CCDC169: variants seen among roughly 807,000 people sequenced by gnomAD.
CCDC169 encodes coiled-coil domain-containing protein 169.
A neutral mutation model predicts 36.0 loss-of-function variants in CCDC169; 30 were observed. The observed-to-expected ratio is 0.83, with a 90% CI of 0.62 to 1.13. The LOEUF (loss-of-function observed/expected upper bound fraction) is 1.13, where lower values mean the gene tolerates loss of function less well. CCDC169 is among the 50% of genes most tolerant of loss of function. The pLI is 0.00. For missense variants in CCDC169, 245 were observed against 245.9 expected (o/e 1.00, Z 0.03); for synonymous variants, 85 against 81.5 (o/e 1.04, Z -0.23).
At chr13:36,290,862 C>T (rs1197930222) in intron 2 of CCDC169, among the ~76,000 whole-genome samples, 1 of 151,858 alleles carries the variant, frequency 6.6e-6, no homozygotes, top group Admixed American at 6.6e-5. Flanking sequence ...CAATAGGGGT[C>T]CCACTGAGAG....
At chr13:36,260,309 G>T (rs1316461672) in intron 4 of CCDC169, among the ~76,000 whole-genome samples, 1 of 152,104 alleles carries the variant, frequency 6.6e-6, no homozygotes, top group East Asian at 1.9e-4. Context: ...CATTTAAAGA[G>T]GATGTCCTAC....
chr13:36,283,605 A>G lies in CCDC169; in HGVS notation c.261T>C (p.His87=), dbSNP rs1331307377. The change falls in exon 3 of 8, where the codon CAT becomes CAC. Residue 87 remains histidine (H), a synonymous_variant. Transcript: ENST00000239859. ...VYLKEKVEKI[H]GNSSDRLSSI... ...TTGGTTTTGTACCTGAAGAGTTTCC[A>G]TGGATTTTTTCCACTTTCTCCTTGA... 2 of 1,551,342 alleles carry G rather than the reference A, an allele frequency of 1.3e-6. No individual in the cohort carries two copies. Among genetic ancestry groups the G allele is most frequent in the Non-Finnish European group, 1.7e-6 (2 of 1,146,810 alleles).
chr13:36,271,442 A>G (rs2138559891), intron 4 of CCDC169, among the ~76,000 whole-genome samples: 1 of 152,336 alleles, frequency 6.6e-6, no homozygotes, highest in South Asian at 2.1e-4. Flanking sequence ...TTATACAAAA[A>G]AGACACTTGC....
chr13:36,250,147 G>A (rs1416059426), intron 6 of CCDC169, among the ~76,000 whole-genome samples: 3 of 152,142 alleles, frequency 2.0e-5, no homozygotes, highest in Non-Finnish European at 4.4e-5. Flanking sequence ...GCTAATTGAG[G>A]GTATGGGGGA....
exon 7 of CCDC169, chr13:36,222,031 T>G (rs1240597100): frequency 6.6e-6 from 1 of 152,218 alleles, no homozygotes; most frequent in Non-Finnish European, 1.5e-5. Context: ...TTTTAAAATA[T>G]TTTCTTTGCT....
intron 4 of CCDC169, among the ~76,000 whole-genome samples, chr13:36,282,189 T>C (rs1877620368): frequency 6.6e-6 from 1 of 152,148 alleles, no homozygotes; most frequent in Non-Finnish European, 1.5e-5. Flanking sequence ...ATCGGGAAAT[T>C]TACAGATGGT....
In CCDC169 at chr13:36,283,684, C is replaced by T. The variant is rs768712718; in HGVS notation, c.182G>A (p.Arg61His). ...TDNEGSEWKT[R>H]YETQLELNDE... ...ATTTAATTCAAGTTGTGTCTCATAA[C>T]GGGTTTTCCATTCACTACCTGAGTA... is the stretch of plus-strand genomic sequence containing the variant. The change falls in exon 3 of 8, where the codon CGT becomes CAT. Residue 61 changes from arginine to histidine, a missense_variant. By Grantham distance (29) the Arg-to-His change is conservative. Coordinates refer to ENST00000239859, the MANE Select transcript of CCDC169 (RefSeq NM_001144981.3). 13 of 1,550,656 alleles carry T rather than the reference C, an allele frequency of 8.4e-6. No individual in the cohort carries two copies. Among genetic ancestry groups the T allele is most frequent in the East Asian group, 4.9e-5 (2 of 40,860 alleles).
Position 36,297,625 on chromosome 13 carries a change from C to T in CCDC169, c.83+12G>A. On this transcript the variant is annotated intron_variant, in intron 1 of 7. Transcript: ENST00000239859. ...TGGACGGGACCCCACACCGCGCCGC[C>T]CGCCGACTCACTTCTTGCGGACTTC... 1 of 1,549,274 alleles carries T rather than the reference C, an allele frequency of 6.5e-7. No homozygotes were observed. Among genetic ancestry groups the T allele is most frequent in the South Asian group, 1.2e-5 (1 of 84,056 alleles).
At chr13:36,275,353 T>A (rs932782) in intron 4 of CCDC169, among the ~76,000 whole-genome samples, 38,469 of 152,020 alleles carry the variant, frequency 0.25, 5,145 homozygotes, top group East Asian at 0.49. Context: ...CCTTCTACAT[T>A]CTTAAATACC....
At chr13:36,226,216 A>C (rs1180170601), downstream of CCDC169, 2 of 152,222 alleles carry the variant, frequency 1.3e-5, no homozygotes, top group Non-Finnish European at 2.9e-5. Flanking sequence ...GAGTAAAGAA[A>C]ATGTGCTACA....
At chr13:36,247,750 T>G (rs904929435) in intron 7 of CCDC169, among the ~76,000 whole-genome samples, 26 of 152,206 alleles carry the variant, frequency 1.7e-4, no homozygotes, top group African/African-American at 6.0e-4. Flanking sequence ...CTGGTAAAGA[T>G]GCTGTGATGT....
chr13:36,239,672 T>C (rs920718759), intron 7 of CCDC169, among the ~76,000 whole-genome samples: 1 of 152,192 alleles, frequency 6.6e-6, no homozygotes, highest in African/African-American at 2.4e-5. Context: ...GTTTCATCTC[T>C]TCATCTTATG....
intron 2 of CCDC169, among the ~76,000 whole-genome samples, chr13:36,285,465 G>T (rs1878070661): frequency 6.6e-6 from 1 of 152,096 alleles, no homozygotes; most frequent in African/African-American, 2.4e-5. Context: ...CAGAAGAATT[G>T]CTTGAACCCG....
intron 7 of CCDC169, among the ~76,000 whole-genome samples, chr13:36,236,756 A>G (rs1246142963): frequency 2.6e-5 from 4 of 152,054 alleles, no homozygotes; most frequent in Admixed American, 1.3e-4. Context: ...TCTCAATGCA[A>G]TATAATAGAG....
chr13:36,250,918 G>C (rs1300602561), intron 6 of CCDC169, among the ~76,000 whole-genome samples: 2 of 152,182 alleles, frequency 1.3e-5, no homozygotes, highest in Non-Finnish European at 2.9e-5. Context: ...CCTTATCTGT[G>C]AGCTAAAAGC....
chr13:36,255,488 C>A (rs1873751462), intron 4 of CCDC169, among the ~76,000 whole-genome samples: 1 of 152,042 alleles, frequency 6.6e-6, no homozygotes, highest in Non-Finnish European at 1.5e-5. Flanking sequence ...ACATGGCGAA[C>A]CCTGTCTGCA....
At chr13:36,248,497 C>T in intron 7 of CCDC169, 109 bp downstream of exon 7, 1 of 943,690 alleles carries the variant, frequency 1.1e-6, no homozygotes, top group Non-Finnish European at 1.6e-6. Context: ...TATATTGTTG[C>T]TATAAAACCT....
downstream of CCDC169, among the ~76,000 whole-genome samples, chr13:36,228,325 T>C (rs995145029): frequency 6.6e-6 from 1 of 152,304 alleles, no homozygotes; most frequent in East Asian, 1.9e-4. Flanking sequence ...TCAATACTCA[T>C]GATCTGTCTT....
At chr13:36,286,596 C>T (rs1361348690) in intron 2 of CCDC169, among the ~76,000 whole-genome samples, 5 of 152,080 alleles carry the variant, frequency 3.3e-5, no homozygotes, top group African/African-American at 9.7e-5. Context: ...CTTTGTGCAC[C>T]CTGATCTCTT....
Sources: allele counts gnomAD v4.1 joint callset (sites outside exome capture counted in the v4.1 genomes callset), GRCh38; gene constraint gnomAD v4.1.1; transcripts MANE v1.5; gene names NCBI Gene and HGNC (gene_info 2026-07-23, HGNC 2026-07-21).